The following COX7B2 variants were observed in gnomAD, a reference collection of about 807,000 sequenced individuals.
COX7B2 encodes cytochrome c oxidase subunit 7B2, mitochondrial.
For missense variants in COX7B2, 109 were observed against 95.9 expected, an observed-to-expected ratio of 1.14 and a Z score of -0.57; for synonymous variants, 37 against 32.1, an observed-to-expected ratio of 1.15 and a Z score of -0.51.
intron 1 of COX7B2, among the ~76,000 whole-genome samples, chr4:46,870,009 C>T (rs1441747302): frequency 6.6e-6 from 1 of 152,072 alleles, no homozygotes; most frequent in Non-Finnish European, 1.5e-5. Context: ...TTCAGAGATG[C>T]CAGTGATTTG....
chr4:46,860,817 C>T (rs6447515), intron 1 of COX7B2, among the ~76,000 whole-genome samples: 92,963 of 151,984 alleles, frequency 0.61, 28,450 homozygotes, highest in East Asian at 0.71. Context: ...GCAGGATACT[C>T]GGTTGTGAGA....
chr4:46,789,107 C>A (rs562138342), intron 2 of COX7B2, among the ~76,000 whole-genome samples: 1 of 152,108 alleles, frequency 6.6e-6, no homozygotes, highest in East Asian at 1.9e-4. Context: ...GGTTTAGTTA[C>A]GAAAACTTTA....
At chr4:46,759,711 G>T (rs1716015219) in intron 2 of COX7B2, among the ~76,000 whole-genome samples, 1 of 151,848 alleles carries the variant, frequency 6.6e-6, no homozygotes, top group African/African-American at 2.4e-5. Flanking sequence ...TGCTGGAGAG[G>T]ATGTGGGGAA....
chr4:46,735,560 A>G (rs1714314260), intron 2 of COX7B2, among the ~76,000 whole-genome samples: 1 of 152,178 alleles, frequency 6.6e-6, no homozygotes. Context: ...AAACTTATTA[A>G]CATGGCTACA....
chr4:46,846,357 A>G (rs1716277160), intron 1 of COX7B2, among the ~76,000 whole-genome samples: 1 of 152,048 alleles, frequency 6.6e-6, no homozygotes, highest in African/African-American at 2.4e-5. Flanking sequence ...AATAACCTAT[A>G]TAGAATGTTG....
chr4:46,756,155 C>T (rs183864763), intron 2 of COX7B2, among the ~76,000 whole-genome samples: 4 of 151,982 alleles, frequency 2.6e-5, no homozygotes, highest in African/African-American at 9.7e-5. Context: ...AGAAATAAAG[C>T]CACTTGTCTA....
intron 2 of COX7B2, among the ~76,000 whole-genome samples, chr4:46,782,347 T>C (rs548839227): frequency 6.6e-6 from 1 of 151,900 alleles, no homozygotes; most frequent in East Asian, 1.9e-4. Context: ...TCAAGGTTTG[T>C]AAATGCACCA....
chr4:46,834,905 T>G (rs1715403047), intron 2 of COX7B2, among the ~76,000 whole-genome samples: 1 of 152,024 alleles, frequency 6.6e-6, no homozygotes, highest in African/African-American at 2.4e-5. Context: ...ACAACTAATA[T>G]GCTAGGCAAT....
In COX7B2 at chr4:46,785,204, T is replaced by A. The variant is rs192034535; in HGVS notation, c.-49-49963A>T. On this transcript the variant is annotated intron_variant, in intron 2 of 2. Coordinates refer to ENST00000355591, the MANE Select transcript of COX7B2 (RefSeq NM_130902.3). ...TGTACTGACAAATCAGTAGAACTAC[T>A]CTCACATGAATATTGAGCAGATGAG... Among the ~76,000 whole-genome samples the A allele has an allele frequency of 1.2e-3, 187 of 152,304 alleles. 1 individual carries two copies. Among genetic ancestry groups the A allele is most frequent in the African/African-American group, 4.3e-3 (177 of 41,566 alleles).
At chr4:46,879,415 A>C (rs2109843030) in intron 1 of COX7B2, among the ~76,000 whole-genome samples, 1 of 151,960 alleles carries the variant, frequency 6.6e-6, no homozygotes, top group Non-Finnish European at 1.5e-5. Context: ...TTTTTTAAAA[A>C]GTTTTTCATA....
chr4:46,752,456 T>C (rs1715445939), intron 2 of COX7B2, among the ~76,000 whole-genome samples: 1 of 152,150 alleles, frequency 6.6e-6, no homozygotes, highest in African/African-American at 2.4e-5. Flanking sequence ...CAACACTATG[T>C]TGAATACGAG....
chr4:46,890,934 T>C (rs1560440231), intron 1 of COX7B2, among the ~76,000 whole-genome samples: 1 of 152,104 alleles, frequency 6.6e-6, no homozygotes, highest in Admixed American at 6.6e-5. Flanking sequence ...CATAACTAAA[T>C]GGAGGCAAGA....
rs79974468 is a variant in COX7B2 at position 46,771,462 on chromosome 4, G to T, written c.-49-36221C>A. Among the ~76,000 whole-genome samples the T allele has an allele frequency of 4.5e-4, 69 of 152,008 alleles. No individual in the cohort carries two copies. In the East Asian group the frequency reaches 0.013, roughly 29 times the overall value. ...ACATGATCCAACAATCTCACTTCTG[G>T]GTACACATTTAAAGCAAATGAAATC... On this transcript the variant is annotated intron_variant, in intron 2 of 2. Coordinates refer to ENST00000355591, the MANE Select transcript of COX7B2 (RefSeq NM_130902.3).
At chr4:46,832,204 T>C (rs1229479368) in intron 2 of COX7B2, among the ~76,000 whole-genome samples, 1 of 152,138 alleles carries the variant, frequency 6.6e-6, no homozygotes, top group East Asian at 1.9e-4. Flanking sequence ...CCACACTGCC[T>C]TTATGAGCTG....
chr4:46,820,609 C>T (rs557387498), intron 2 of COX7B2, among the ~76,000 whole-genome samples: 1 of 152,160 alleles, frequency 6.6e-6, no homozygotes, highest in Admixed American at 6.5e-5. Context: ...GGGCAGATCA[C>T]CTGAGGTCAG....
At chr4:46,834,636 C>T (rs1019304568) in intron 2 of COX7B2, among the ~76,000 whole-genome samples, 7 of 152,098 alleles carry the variant, frequency 4.6e-5, no homozygotes, top group Non-Finnish European at 7.4e-5. Flanking sequence ...TATTCCCCGA[C>T]ACTTTCTTCT....
chr4:46,843,951 A>T (rs987094725), intron 2 of COX7B2, among the ~76,000 whole-genome samples: 2 of 152,004 alleles, frequency 1.3e-5, no homozygotes, highest in African/African-American at 2.4e-5. Flanking sequence ...CAGGTAATAA[A>T]TAAGAGTCCT....
At chr4:46,742,444 G>C (rs1714773018) in intron 2 of COX7B2, among the ~76,000 whole-genome samples, 1 of 152,154 alleles carries the variant, frequency 6.6e-6, no homozygotes, top group Admixed American at 6.6e-5. Context: ...TGTACACGGT[G>C]CAAAGTGTCC....
chr4:46,739,787 C>T (rs925932904), intron 2 of COX7B2, among the ~76,000 whole-genome samples: 3 of 151,956 alleles, frequency 2.0e-5, no homozygotes, highest in African/African-American at 7.2e-5. Flanking sequence ...GGTAACACTA[C>T]GTAATAAGCA....
Sources: gnomAD v4.1 joint callset for allele counts (sites outside exome capture counted in the v4.1 genomes callset) on GRCh38, gnomAD v4.1.1 for gene constraint, MANE v1.5 for transcripts, NCBI Gene and HGNC (gene_info 2026-07-23, HGNC 2026-07-21) for gene names.